The following DCAF17 variants were observed in gnomAD, a reference collection of about 807,000 sequenced individuals.
DCAF17 encodes the protein DDB1 and CUL4 associated factor 17, also known as DDB1- and CUL4-associated factor 17.
A neutral mutation model predicts 66.0 loss-of-function variants in DCAF17; 48 were observed. The ratio of observed to expected loss-of-function variants is 0.73; its 90% confidence interval spans 0.58 to 0.92. DCAF17 has a LOEUF of 0.92. Among genes scored for constraint, DCAF17 ranks in the 40% least tolerant of loss-of-function variants. The pLI, the probability that DCAF17 is intolerant of heterozygous loss-of-function variation, is 0.00. For synonymous variants in DCAF17, 206 were observed against 214.6 expected, an observed-to-expected ratio of 0.96 and a Z score of 0.35; for missense variants, 562 against 622.8, an observed-to-expected ratio of 0.90 and a Z score of 1.04.
intron 8 of DCAF17, 112 bp downstream of exon 8, chr2:171,458,589 C>T (rs1695397353): frequency 4.9e-6 from 4 of 816,814 alleles, no homozygotes; most frequent in Non-Finnish European, 8.0e-6. Context: ...AAACTCAATT[C>T]ATTTTACTCC....
chr2:171,434,566 G>T lies in DCAF17; in HGVS notation c.-12G>T. 2.0e-6 allele frequency: 3 copies of T among 1,525,586 alleles called. No homozygotes were observed. Among genetic ancestry groups the T allele is most frequent in the African/African-American group, 2.8e-5 (2 of 72,108 alleles). The allele number at this position is 1,525,586 out of a possible 1,614,324, so 94.5% of individuals were successfully genotyped here. A position where few individuals can be genotyped will look rare whatever the true frequency, so the allele number is the denominator to read the frequency against. ...GGCGGCCCAGCCTACCCAGGGCCCG[G>T]CCCGCGCCTCCATGGGCCCGACCCG... On this transcript the variant is annotated 5_prime_UTR_variant, in exon 1 of 14. Coordinates refer to ENST00000375255, the MANE Select transcript of DCAF17 (RefSeq NM_025000.4).
At chr2:171,443,108 G>A (rs1330350059) in intron 2 of DCAF17, 2 of 151,456 alleles carry the variant, frequency 1.3e-5, no homozygotes, top group African/African-American at 4.9e-5. Context: ...AAAATAATGG[G>A]ACCCTTTTTA....
chr2:171,459,679 C>T (rs901777724), intron 8 of DCAF17, among the ~76,000 whole-genome samples: 3 of 151,562 alleles, frequency 2.0e-5, no homozygotes, highest in African/African-American at 7.3e-5. Context: ...AGTAATAGAC[C>T]AAGAAACAGA....
In DCAF17 at chr2:171,480,578, A is replaced by G. The variant is rs1167596030; in HGVS notation, c.1422+385A>G. Among the ~76,000 whole-genome samples, 7 of 152,166 alleles carry G rather than the reference A, an allele frequency of 4.6e-5. No individual in the cohort carries two copies. In the East Asian group the frequency reaches 1.3e-3, roughly 29 times the overall value. ...GGGATTCCCAGGTACTCTTGTATAC[A>G]TTTGTCTGATATTTCAACTATTATA... On this transcript the variant is annotated intron_variant, in intron 13 of 13. Transcript: ENST00000375255.
chr2:171,446,541 G>C (rs1359849054), intron 3 of DCAF17, among the ~76,000 whole-genome samples: 3 of 150,704 alleles, frequency 2.0e-5, no homozygotes, highest in African/African-American at 7.3e-5. Flanking sequence ...GCAAGACTCT[G>C]TCTCAAAAGA....
rs1380048761 is a variant in DCAF17 at position 171,467,760 on chromosome 2, A to G, written c.839-1128A>G. ...AAAAAAAAAAAAAAAAAAAAGTTGT[A>G]CGTGGATTTTTGACTACACAGGGGA... On this transcript the variant is annotated intron_variant, in intron 8 of 13. Transcript: ENST00000375255. Among the ~76,000 whole-genome samples the G allele has an allele frequency of 4.7e-5, 7 of 147,432 alleles. No homozygotes were observed. In the East Asian group the frequency reaches 1.4e-3, roughly 30 times the overall value.
chr2:171,446,473 G>C (rs1241580258), intron 3 of DCAF17, among the ~76,000 whole-genome samples: 1 of 152,042 alleles, frequency 6.6e-6, no homozygotes. Context: ...TTGAACCTGG[G>C]AGGCAGAGGT....
At chr2:171,462,812 C>T (rs1159369656) in intron 8 of DCAF17, among the ~76,000 whole-genome samples, 1 of 152,032 alleles carries the variant, frequency 6.6e-6, no homozygotes, top group African/African-American at 2.4e-5. Flanking sequence ...TGGTAAGTGA[C>T]ATTAGTATTA....
chr2:171,435,547 CTT>C (rs35241834), intron 2 of DCAF17, among the ~76,000 whole-genome samples: 34 of 136,512 alleles, frequency 2.5e-4, no homozygotes, highest in Admixed American at 3.6e-4. Context: ...AAGTACTTGC[CTT>C]TTTTTTTTTT....
In DCAF17 at chr2:171,481,301, T is replaced by G. The variant is rs1335030601; in HGVS notation, c.*187T>G. On this transcript the variant is annotated 3_prime_UTR_variant, in exon 14 of 14. Coordinates refer to ENST00000375255, the MANE Select transcript of DCAF17 (RefSeq NM_025000.4). Reference sequence around the variant, plus strand: ...AAAGATGGTGAGGACTTCATTTTTTTTAAAGGTTTTTTAGAATACTGTTCC... The same window carrying G: ...AAAGATGGTGAGGACTTCATTTTTTGTAAAGGTTTTTTAGAATACTGTTCC... The G allele has an allele frequency of 4.0e-6, 3 of 741,970 alleles. No individual in the cohort carries two copies. The East Asian group carries it at 8.5e-5, about 21-fold the overall frequency. 46.0% of individuals were successfully genotyped at this position (741,970 alleles called of 1,614,324 possible). A position where few individuals can be genotyped will look rare whatever the true frequency, so the allele number is the denominator to read the frequency against.
At chr2:171,457,946 T>G in intron 6 of DCAF17, 25 bp from the exon 7 acceptor site, 1 of 1,552,770 alleles carries the variant, frequency 6.4e-7, no homozygotes, top group Non-Finnish European at 8.9e-7. Context: ...TTTTCTCAGG[T>G]GATATCTGTC....
intron 3 of DCAF17, among the ~76,000 whole-genome samples, chr2:171,445,186 G>A (rs536900467): frequency 1.3e-5 from 2 of 151,134 alleles, no homozygotes; most frequent in Admixed American, 6.6e-5. Context: ...GTGCAGTGGC[G>A]TGATCTCCAC....
At position 171,458,369 on chromosome 2, in the gene DCAF17, T is replaced by C. The variant is rs760524776; in HGVS notation, c.733-3T>C. 1 of 1,613,520 alleles carries C rather than the reference T, an allele frequency of 6.2e-7. No individual in the cohort carries two copies. The highest frequency in any genetic ancestry group is 1.3e-5 in the African/African-American group (1 of 74,898). ...CACCATTTTTGTTTTGTTTTGTTTT[T>C]AGTTCATGCAACAGAAACTTGACTT... is the stretch of plus-strand genomic sequence containing the variant. On this transcript the variant is annotated splice_region_variant and splice_polypyrimidine_tract_variant and intron_variant, in intron 7 of 13. Coordinates refer to ENST00000375255, the MANE Select transcript of DCAF17 (RefSeq NM_025000.4).
chr2:171,480,188 G>C lies in DCAF17; in HGVS notation c.1417G>C (p.Asp473His), dbSNP rs1409820369. 3.7e-6 allele frequency: 6 copies of C among 1,613,158 alleles called. No individual in the cohort carries two copies. The South Asian group carries it at 5.5e-5, about 15-fold the overall frequency. Residue 473 changes from aspartate (D) to histidine (H), a missense_variant, in exon 13 of 14, where the codon GAT (aspartate) becomes CAT (histidine). Physicochemically the swap from Asp to His is moderately conservative, Grantham distance 81. This residue lies in a region of DCAF17 where 201 missense variants were observed against 231.1 expected (regional missense o/e 0.87). Coordinates refer to ENST00000375255, the MANE Select transcript of DCAF17 (RefSeq NM_025000.4). ...LKSIPLVESWDVTYSHEVYFD... is the reference protein window; with the variant it reads ...LKSIPLVESWHVTYSHEVYFD... Reference sequence around the variant, plus strand: ...AAGCATTCCACTAGTGGAGTCATGGGATGTGGTGAGTAGAGTCCGTGGGAT... The same window carrying C: ...AAGCATTCCACTAGTGGAGTCATGGCATGTGGTGAGTAGAGTCCGTGGGAT...
Position 171,483,340 on chromosome 2 carries a change from A to G in DCAF17, c.*2226A>G, listed in dbSNP as rs1343280169. 10 of 453,988 alleles carry G rather than the reference A, an allele frequency of 2.2e-5. No homozygotes were observed. Among genetic ancestry groups the G allele is most frequent in the Non-Finnish European group, 4.0e-5 (9 of 226,802 alleles). The allele number at this position is 453,988 out of a possible 1,614,324, so 28.1% of individuals were successfully genotyped here. A position where few individuals can be genotyped will look rare whatever the true frequency, so the allele number is the denominator to read the frequency against. The stretch of plus-strand genomic sequence containing the variant: ...CAGGTACAAAACATTATGGGTAACA[A>G]TTCTGAGTGTTTAATGCAAGCCCAG... On this transcript the variant is annotated 3_prime_UTR_variant, in exon 14 of 14. Transcript: ENST00000375255.
chr2:171,447,082 T>C (rs1011041779), intron 3 of DCAF17, among the ~76,000 whole-genome samples: 1 of 152,122 alleles, frequency 6.6e-6, no homozygotes, highest in Non-Finnish European at 1.5e-5. Flanking sequence ...TTGTTTTGGG[T>C]ATATGTCATT....
intron 12 of DCAF17, 114 bp from the exon 13 acceptor site, chr2:171,479,924 C>T (rs1005709688): frequency 7.7e-6 from 9 of 1,171,846 alleles, no homozygotes; most frequent in Non-Finnish European, 1.1e-5. Flanking sequence ...TTCATTCATT[C>T]TTCTCCCATA....
At chr2:171,439,025 C>G (rs1357180357) in intron 2 of DCAF17, among the ~76,000 whole-genome samples, 1 of 151,992 alleles carries the variant, frequency 6.6e-6, no homozygotes, top group Non-Finnish European at 1.5e-5. Context: ...CACCAGAACA[C>G]TTTAGGTATT....
intron 9 of DCAF17, chr2:171,472,951 A>G: frequency 3.1e-6 from 1 of 318,374 alleles, no homozygotes. Context: ...GCTTCTGGAT[A>G]TAAGGTAATA....
Sources: gnomAD v4.1 joint callset for allele counts (sites outside exome capture counted in the v4.1 genomes callset) on GRCh38, gnomAD v4.1.1 for gene constraint, gnomAD v4.1.1 regional missense constraint, MANE v1.5 for transcripts, NCBI Gene and HGNC (gene_info 2026-07-23, HGNC 2026-07-21) for gene names.